Variants in DNAH5 observed in about 807,000 individuals in gnomAD.
The protein encoded by DNAH5 is axonemal beta dynein heavy chain 5.
In DNAH5, 372 loss-of-function variants were observed where a neutral mutation model predicts 518.2. The observed-to-expected ratio is 0.72, with a 90% CI of 0.66 to 0.78. DNAH5 has a LOEUF of 0.78. Among genes scored for constraint, DNAH5 ranks in the 30% least tolerant of loss-of-function variants. The pLI, the probability that DNAH5 is intolerant of heterozygous loss-of-function variation, is 0.00. For missense variants in DNAH5, 5,523 were observed against 5,687.0 expected, an observed-to-expected ratio of 0.97 and a Z score of 0.93; for synonymous variants, 2,039 against 2,025.9, an observed-to-expected ratio of 1.01 and a Z score of -0.17.
intron 30 of DNAH5, 85 bp from the exon 31 acceptor site, chr5:13,850,900 G>A (rs1766744936): frequency 7.0e-7 from 1 of 1,420,546 alleles, no homozygotes; most frequent in Non-Finnish European, 9.9e-7. Flanking sequence ...TCCAGCTGAG[G>A]CTAGAGCTTT....
chr5:13,943,814 G>A (rs966024701), intron 1 of DNAH5, among the ~76,000 whole-genome samples: 8 of 152,318 alleles, frequency 5.3e-5, no homozygotes, highest in Admixed American at 5.2e-4. Context: ...AATTTCTTCT[G>A]ACGTTAATTG....
chr5:13,838,041 G>A (rs548666975), intron 35 of DNAH5, among the ~76,000 whole-genome samples: 4 of 152,070 alleles, frequency 2.6e-5, no homozygotes, highest in East Asian at 1.9e-4. Flanking sequence ...TGGGCAAATC[G>A]TCATTGTATA....
chr5:14,008,703 A>C (rs1426220017), intron 1 of DNAH5, among the ~76,000 whole-genome samples: 1 of 152,150 alleles, frequency 6.6e-6, no homozygotes, highest in Non-Finnish European at 1.5e-5. Context: ...ATGGAGGAAG[A>C]AAAGAAGAAA....
chr5:13,717,668 T>C (rs1309080905), intron 72 of DNAH5, 148 bp from the exon 73 acceptor site: 7 of 789,454 alleles, frequency 8.9e-6, no homozygotes, highest in African/African-American at 6.9e-5. Flanking sequence ...ACAATAATAA[T>C]TTAACTTTTG....
At chr5:13,878,108 A>G (rs1299504384) in intron 21 of DNAH5, among the ~76,000 whole-genome samples, 1 of 152,176 alleles carries the variant, frequency 6.6e-6, no homozygotes, top group African/African-American at 2.4e-5. Flanking sequence ...AAGCACTTCA[A>G]CAGGCTTTAT....
At chr5:13,799,211 C>CT (rs58906845) in intron 47 of DNAH5, among the ~76,000 whole-genome samples, 25,837 of 148,854 alleles carry the variant, frequency 0.17, 2,336 homozygotes, top group Admixed American at 0.21. Flanking sequence ...TTCATACCCC[C>CT]CCCCACAAAA....
At chr5:13,926,399 C>T (rs1777874346) in intron 3 of DNAH5, among the ~76,000 whole-genome samples, 1 of 152,176 alleles carries the variant, frequency 6.6e-6, no homozygotes, top group African/African-American at 2.4e-5. Flanking sequence ...CTCTGCCCTG[C>T]CTCTGGCCTC....
chr5:13,955,615 C>T (rs71614066), intron 1 of DNAH5, among the ~76,000 whole-genome samples: 2 of 152,060 alleles, frequency 1.3e-5, no homozygotes, highest in East Asian at 3.9e-4. Flanking sequence ...CAGCAGTCTC[C>T]TAGGAGAAAA....
chr5:13,868,013 C>T, intron 24 of DNAH5, 21 bp from the exon 25 acceptor site: 1 of 1,597,082 alleles, frequency 6.3e-7, no homozygotes, highest in Non-Finnish European at 8.6e-7. Flanking sequence ...ATAGGAAAAA[C>T]TTAATTTTGG....
chr5:13,940,707 G>A (rs1427508972), intron 1 of DNAH5, among the ~76,000 whole-genome samples: 2 of 152,082 alleles, frequency 1.3e-5, no homozygotes, highest in Admixed American at 6.5e-5. Flanking sequence ...TGATCCTGAT[G>A]GATTAGTATG....
chr5:13,735,301 G>C lies in DNAH5; in HGVS notation c.11591C>G (p.Thr3864Arg). Residue 3864 changes from threonine (T) to arginine (R), a missense_variant, in exon 68 of 79, where the codon ACA becomes AGA. Transcript: ENST00000265104. The part of the protein sequence containing the change: ...SLARSVKSPI[T>R]SKRIANIIEH... ...GATGATATTAGCAATCCTCTTGCTT[G>C]TAATCGGGCTCTTGACAGACCTGGT... is the stretch of plus-strand genomic sequence containing the variant. 6.2e-7 allele frequency: 1 copy of C among 1,614,068 alleles called. No homozygotes were observed. Among genetic ancestry groups the C allele is most frequent in the Non-Finnish European group, 8.5e-7 (1 of 1,179,992 alleles).
chr5:13,929,074 T>G (rs1352152551), intron 2 of DNAH5, among the ~76,000 whole-genome samples: 1 of 152,190 alleles, frequency 6.6e-6, no homozygotes, highest in African/African-American at 2.4e-5. Context: ...TCACAATAGC[T>G]TCCACAAAAG....
chr5:14,002,243 A>T (rs190416651), intron 1 of DNAH5, among the ~76,000 whole-genome samples: 1 of 152,324 alleles, frequency 6.6e-6, no homozygotes, highest in East Asian at 1.9e-4. Flanking sequence ...GAAAAAAATC[A>T]GTTAGAAAAA....
At chr5:13,748,606 G>T (rs370479270) in intron 65 of DNAH5, among the ~76,000 whole-genome samples, 1 of 152,150 alleles carries the variant, frequency 6.6e-6, no homozygotes, top group South Asian at 2.1e-4. Flanking sequence ...TCCCTTGTAA[G>T]TTGGATTCCC....
At chr5:13,854,655 A>C (rs1001447828) in intron 30 of DNAH5, among the ~76,000 whole-genome samples, 3 of 151,758 alleles carry the variant, frequency 2.0e-5, no homozygotes, top group African/African-American at 7.3e-5. Context: ...TAGGCTCAAA[A>C]TAAAGGGATA....
intron 1 of DNAH5, among the ~76,000 whole-genome samples, chr5:14,003,938 A>G (rs1251845005): frequency 1.3e-5 from 2 of 152,194 alleles, no homozygotes; most frequent in Non-Finnish European, 2.9e-5. Flanking sequence ...CAAGCCCCAT[A>G]GGAGAGACCC....
rs1769498030 is a variant in DNAH5, at chr5:13,867,807, T to G, written c.4020A>C (p.Gln1340His). Residue 1340 changes from glutamine (Q) to histidine (H), a missense_variant, in exon 25 of 79, where the codon CAA (glutamine) becomes CAC (histidine). Coordinates refer to ENST00000265104, the MANE Select transcript of DNAH5 (RefSeq NM_001369.3). Reference protein sequence around the residue: ...ELISAVEVFLQDCHQFYLDYD... With the variant: ...ELISAVEVFLHDCHQFYLDYD... ...AGTCCAGATAAAACTGGTGACAATC[T>G]TGGAGGAATACCTCCACAGCACTAA... is the stretch of plus-strand genomic sequence containing the variant. The G allele has an allele frequency of 1.2e-6, 2 of 1,613,814 alleles. No homozygotes were observed. Among genetic ancestry groups the G allele is most frequent in the South Asian group, 1.1e-5 (1 of 91,070 alleles).
At chr5:13,781,765 C>T (rs530951770) in intron 52 of DNAH5, among the ~76,000 whole-genome samples, 113 of 152,052 alleles carry the variant, frequency 7.4e-4, no homozygotes, top group African/African-American at 2.7e-3. Context: ...TTGGGTATGT[C>T]TTTATCAGCA....
chr5:13,922,895 A>G (rs1039574345), intron 4 of DNAH5, among the ~76,000 whole-genome samples: 1 of 152,046 alleles, frequency 6.6e-6, no homozygotes, highest in African/African-American at 2.4e-5. Context: ...GGAAGGGGAA[A>G]ACTTGTACAG....
Sources: gnomAD v4.1 joint callset for allele counts (sites outside exome capture counted in the v4.1 genomes callset) on GRCh38, gnomAD v4.1.1 for gene constraint, MANE v1.5 for transcripts, NCBI Gene and HGNC (gene_info 2026-07-23, HGNC 2026-07-21) for gene names.